Variants in SNTG2 observed in about 807,000 individuals in gnomAD.
SNTG2 encodes gamma-2-syntrophin.
SNTG2 carries 74 observed loss-of-function variants against 70.9 expected under a neutral mutation model. That is an observed-to-expected ratio of 1.04 (90% confidence interval 0.86 to 1.27). SNTG2 has a LOEUF of 1.27. SNTG2 is among the 50% of genes most tolerant of loss of function. SNTG2 has a pLI of 0.00. For missense variants in SNTG2, 717 were observed against 690.7 expected (o/e 1.04, Z -0.43); for synonymous variants, 278 against 273.8 (o/e 1.02, Z -0.15).
chr2:1,141,360 A>G (rs1419133370), intron 6 of SNTG2, among the ~76,000 whole-genome samples: 1 of 152,254 alleles, frequency 6.6e-6, no homozygotes, highest in Non-Finnish European at 1.5e-5. Context: ...TGCCATTCAA[A>G]GGCAGGCTGT....
intron 4 of SNTG2, among the ~76,000 whole-genome samples, chr2:1,109,052 G>A (rs377226091): frequency 5.3e-5 from 8 of 151,102 alleles, no homozygotes; most frequent in East Asian, 3.9e-4. Flanking sequence ...GCTGTCACTC[G>A]GGTGCAGGGT....
intron 6 of SNTG2, among the ~76,000 whole-genome samples, chr2:1,141,739 A>C (rs1668762474): frequency 6.6e-6 from 1 of 152,196 alleles, no homozygotes; most frequent in African/African-American, 2.4e-5. Context: ...TCCAGACACC[A>C]ACGTGGAGGT....
chr2:1,221,821 G>C (rs1247288983), intron 9 of SNTG2, among the ~76,000 whole-genome samples: 2 of 4,560 alleles, frequency 4.4e-4, no homozygotes, highest in Non-Finnish European at 3.7e-4. Context: ...CTCGGTCTCT[G>C]TCTCTCTCTG....
In SNTG2 at chr2:1,334,045, C is replaced by T. The variant is rs144843426; in HGVS notation, c.1488+17670C>T. On this transcript the variant is annotated intron_variant, in intron 16 of 16. Transcript: ENST00000308624. ...ATAAAATCTTCGCAATCTATATATT[C>T]GATAAAGGACTAATATCCAGACTCT... Among the ~76,000 whole-genome samples, 39 of 152,162 alleles carry T rather than the reference C, an allele frequency of 2.6e-4. 2 individuals are homozygous for T. The highest frequency in any genetic ancestry group is 1.3e-3 in the Admixed American group (20 of 15,288).
intron 1 of SNTG2, among the ~76,000 whole-genome samples, chr2:1,015,622 A>AT (rs1659869186): frequency 6.6e-6 from 1 of 152,236 alleles, no homozygotes; most frequent in African/African-American, 2.4e-5. Flanking sequence ...AGAAATATAA[A>AT]TTTCCATCAA....
In SNTG2 at chr2:1,091,739, T is replaced by A. The variant is rs576184147; in HGVS notation, c.211-6457T>A. ...TATGGAATCATTGAATTTTTAAAAT[T>A]TAGGAGTTATCATACACTTTTCAAA... On this transcript the variant is annotated intron_variant, in intron 2 of 16. Transcript: ENST00000308624. Among the ~76,000 whole-genome samples the A allele has an allele frequency of 2.5e-4, 38 of 152,302 alleles. No homozygotes were observed. In the South Asian group the frequency reaches 6.8e-3, roughly 27 times the overall value.
At chr2:1,014,652 G>A (rs1174233809) in intron 1 of SNTG2, among the ~76,000 whole-genome samples, 2 of 142,936 alleles carry the variant, frequency 1.4e-5, no homozygotes, top group African/African-American at 2.6e-5. Flanking sequence ...TCTGTAGAGG[G>A]ATTTATATGG....
intron 8 of SNTG2, among the ~76,000 whole-genome samples, chr2:1,180,153 A>G (rs1671769722): frequency 1.6e-5 from 2 of 121,876 alleles, no homozygotes; most frequent in African/African-American, 3.0e-5. Flanking sequence ...GGACATAGGC[A>G]TGGGCAAGGA....
At chr2:982,708 T>C (rs1661148544) in intron 1 of SNTG2, among the ~76,000 whole-genome samples, 1 of 152,254 alleles carries the variant, frequency 6.6e-6, no homozygotes, top group African/African-American at 2.4e-5. Context: ...CCTGTCACTG[T>C]GCCTGGGCAG....
At chr2:982,039 C>T (rs974932251) in intron 1 of SNTG2, among the ~76,000 whole-genome samples, 49 of 152,316 alleles carry the variant, frequency 3.2e-4, no homozygotes, top group African/African-American at 1.2e-3. Flanking sequence ...CTCACAAGCA[C>T]TTGTGCACAC....
intron 9 of SNTG2, among the ~76,000 whole-genome samples, chr2:1,222,145 G>GTCTCTGTCTCTGTCTC (rs1675257433): frequency 7.1e-6 from 1 of 141,830 alleles, no homozygotes. Flanking sequence ...GTCTCTCTCT[G>GTCTCTGTCTCTGTCTC]TCTCTGCCTA....
chr2:1,021,707 G>A (rs1660187139), intron 1 of SNTG2, among the ~76,000 whole-genome samples: 2 of 151,644 alleles, frequency 1.3e-5, no homozygotes, highest in African/African-American at 4.8e-5. Flanking sequence ...GCACCTCCTG[G>A]CTCAAGCAAT....
At chr2:965,645 G>C (rs1395602176) in intron 1 of SNTG2, among the ~76,000 whole-genome samples, 1 of 152,030 alleles carries the variant, frequency 6.6e-6, no homozygotes, top group Non-Finnish European at 1.5e-5. Flanking sequence ...CTCGGCTCGG[G>C]GGCTGCTGCT....
chr2:1,009,769 C>T (rs1426433678), intron 1 of SNTG2, among the ~76,000 whole-genome samples: 2 of 152,192 alleles, frequency 1.3e-5, no homozygotes, highest in African/African-American at 4.8e-5. Flanking sequence ...CTCCCAACCA[C>T]GTGGAACCAC....
rs1659879534 is a variant in SNTG2 at position 1,337,563 on chromosome 2, AG to A, written c.1488+21189del. 2.6e-5 allele frequency among the ~76,000 whole-genome samples: 4 copies of A among 152,078 alleles called. No homozygotes were observed. The South Asian group carries it at 8.3e-4, about 31-fold the overall frequency. ...TTGTTGTTGTTGTTGCTGATTTATAAGAGTTCTTAAATATTCTAGATATTAG... is the reference window on the plus strand; with the variant it reads ...TTGTTGTTGTTGTTGCTGATTTATAAAGTTCTTAAATATTCTAGATATTAG... On this transcript the variant is annotated intron_variant, in intron 16 of 16. Coordinates refer to ENST00000308624, the MANE Select transcript of SNTG2 (RefSeq NM_018968.4).
intron 12 of SNTG2, chr2:1,256,540 T>C (rs1469172145): frequency 6.6e-6 from 1 of 152,198 alleles, no homozygotes; most frequent in African/African-American, 2.4e-5. Context: ...CCTTGAATTG[T>C]TGTAGCCTAG....
intron 1 of SNTG2, among the ~76,000 whole-genome samples, chr2:1,039,249 G>A (rs1661295148): frequency 6.6e-6 from 1 of 152,132 alleles, no homozygotes. Context: ...TCTTGTGATA[G>A]TTTTAATGCA....
At chr2:1,152,434 ATATGTG>A (rs1669561284) in intron 6 of SNTG2, among the ~76,000 whole-genome samples, 1 of 152,164 alleles carries the variant, frequency 6.6e-6, no homozygotes, top group South Asian at 2.1e-4. Context: ...TGTACTGCAT[ATATGTG>A]TGCACATCCA....
intron 1 of SNTG2, among the ~76,000 whole-genome samples, chr2:953,762 C>CTTGTTT (rs1466447509): frequency 2.0e-4 from 30 of 152,256 alleles, no homozygotes; most frequent in African/African-American, 6.7e-4. Context: ...AAAAGTGTGC[C>CTTGTTT]TTGTTTTTGT....
Sources: gnomAD v4.1 joint callset for allele counts (sites outside exome capture counted in the v4.1 genomes callset) on GRCh38, gnomAD v4.1.1 for gene constraint, MANE v1.5 for transcripts, NCBI Gene and HGNC (gene_info 2026-07-23, HGNC 2026-07-21) for gene names.